The following TUBA1A variants were observed in gnomAD, a reference collection of about 807,000 sequenced individuals.
TUBA1A encodes tubulin alpha-1A chain.
In TUBA1A, 7 loss-of-function variants were observed where a neutral mutation model predicts 34.6. The observed-to-expected ratio is 0.20, with a 90% confidence interval of 0.11 to 0.38. The LOEUF is 0.38. Ranked by LOEUF, TUBA1A falls within the 10% of genes least tolerant of loss-of-function variation. The pLI, the probability that TUBA1A is intolerant of heterozygous loss-of-function variation, is 1.00. For synonymous variants in TUBA1A, 193 were observed against 210.2 expected, an observed-to-expected ratio of 0.92 and a Z score of 0.71; for missense variants, 19 against 581.3, an observed-to-expected ratio of 0.03 and a Z score of 9.95.
Position 49,188,399 on chromosome 12 carries a change from G to A in TUBA1A, c.3+578C>T, listed in dbSNP as rs1445772209. 1.3e-6 allele frequency: 2 copies of A among 1,535,426 alleles called. No individual in the cohort carries two copies. Among genetic ancestry groups the A allele is most frequent in the Non-Finnish European group, 1.7e-6 (2 of 1,146,534 alleles). On this transcript the variant is annotated intron_variant, in intron 1 of 3. Transcript: ENST00000301071. The surrounding 1 kb of genome is among the most constrained non-coding windows in gnomAD (Gnocchi z 4.9). ...GCCGCCCTGACACCCGCTGCCGGGG[G>A]CTCCGGCAGAAACTCACCATGTTTT...
Position 49,187,409 on chromosome 12 carries a change from T to C in TUBA1A, c.4-576A>G, listed in dbSNP as rs575826308. On this transcript the variant is annotated intron_variant, in intron 1 of 3. Coordinates refer to ENST00000301071, the MANE Select transcript of TUBA1A (RefSeq NM_006009.4). The stretch of plus-strand genomic sequence containing the variant: ...CTAGCCTGTACTGTCTGCTACATTA[T>C]TTAACAGAGCAAGCTCTATTTCCAG... 1.1e-5 allele frequency: 11 copies of C among 991,352 alleles called. No individual in the cohort carries two copies. The South Asian group carries it at 5.0e-4, about 45-fold the overall frequency. The allele number at this position is 991,352 out of a possible 1,614,324, so 61.4% of individuals were successfully genotyped here.
Position 49,188,304 on chromosome 12 carries a change from T to A in TUBA1A, c.3+673A>T. 1 of 1,490,046 alleles carries A rather than the reference T, an allele frequency of 6.7e-7. No homozygotes were observed. The highest frequency in any genetic ancestry group is 8.9e-7 in the Non-Finnish European group (1 of 1,119,678). 92.3% of individuals were successfully genotyped at this position (1,490,046 alleles called of 1,614,324 possible). On this transcript the variant is annotated intron_variant, in intron 1 of 3. Transcript: ENST00000301071. The surrounding 1 kb of genome is among the most constrained non-coding windows in gnomAD (Gnocchi z 4.9). ...TCAGTCAGCTCCTGACAGAAGAGGT[T>A]CAGTGAGGGCGAACCCCGCCCAGTG...
rs911097637 is a variant in TUBA1A, at chr12:49,188,602, A to G, written c.3+375T>C. 47 of 1,446,942 alleles carry G rather than the reference A, an allele frequency of 3.2e-5. No individual in the cohort carries two copies. Among genetic ancestry groups the G allele is most frequent in the Middle Eastern group, 5.0e-4 (2 of 3,968 alleles). 89.6% of individuals were successfully genotyped at this position (1,446,942 alleles called of 1,614,324 possible). Reference sequence around the variant, plus strand: ...GTCCCCAGAGAACAACGCGAGACAGAAAGTGGCCCCTCAGCATCAGCGAAA... The same window carrying G: ...GTCCCCAGAGAACAACGCGAGACAGGAAGTGGCCCCTCAGCATCAGCGAAA... On this transcript the variant is annotated intron_variant, in intron 1 of 3. Transcript: ENST00000301071. This position sits in a 1 kb window ranked among gnomAD's most constrained non-coding sequence, Gnocchi z 4.9.
At chr12:49,187,839 T>C (rs961245417) in intron 1 of TUBA1A, 35 of 976,046 alleles carry the variant, frequency 3.6e-5, no homozygotes, top group Non-Finnish European at 4.0e-5. Flanking sequence ...TTGCATCCAA[T>C]AGAGGTTTTC....
Position 49,186,544 on chromosome 12 carries a change from G to A in TUBA1A, c.226+67C>T. 6.2e-7 allele frequency: 1 copy of A among 1,610,716 alleles called. No homozygotes were observed. The highest frequency in any genetic ancestry group is 8.5e-7 in the Non-Finnish European group (1 of 1,178,206). On this transcript the variant is annotated intron_variant, in intron 2 of 3. Coordinates refer to ENST00000301071, the MANE Select transcript of TUBA1A (RefSeq NM_006009.4). The surrounding 1 kb of genome is among the most constrained non-coding windows in gnomAD (Gnocchi z 6.6). Reference sequence around the variant, plus strand: ...GGAGAGTGGGTGAGTGACCAGCGGAGCCCCCCAGGACAGACCTCCTGTCCC... The same window carrying A: ...GGAGAGTGGGTGAGTGACCAGCGGAACCCCCCAGGACAGACCTCCTGTCCC...
Position 49,188,077 on chromosome 12 carries a change from GAC to G in TUBA1A, c.3+898_3+899del, listed in dbSNP as rs35097794. 76,938 of 879,032 alleles carry G rather than the reference GAC, an allele frequency of 0.088. 1,210 individuals are homozygous for G. Among genetic ancestry groups the G allele is most frequent in the African/African-American group, 0.22 (9,483 of 43,216 alleles). The allele number at this position is 879,032 out of a possible 1,614,324, so 54.5% of individuals were successfully genotyped here. Reference sequence around the variant, plus strand: ...GTCGGTCAGGGCAGGGCGTCCCACAGACACACACACACACACACACACACACA... The same window carrying G: ...GTCGGTCAGGGCAGGGCGTCCCACAGACACACACACACACACACACACACA... On this transcript the variant is annotated intron_variant, in intron 1 of 3. Transcript: ENST00000301071. This position sits in a 1 kb window ranked among gnomAD's most constrained non-coding sequence, Gnocchi z 4.9.
At chr12:49,187,202 T>C in intron 1 of TUBA1A, 1 of 1,143,274 alleles carries the variant, frequency 8.7e-7, no homozygotes. Flanking sequence ...TTTCTTCCCT[T>C]TTAAATAAAG....
At chr12:49,187,552 G>A (rs1283030184) in intron 1 of TUBA1A, 2 of 985,172 alleles carry the variant, frequency 2.0e-6, no homozygotes, top group African/African-American at 1.8e-5. Flanking sequence ...AAAAGACAAC[G>A]GGATGCGGAG....
In TUBA1A at chr12:49,189,018, G is replaced by A. The variant is rs11558074; in HGVS notation, c.-39C>T. On this transcript the variant is annotated 5_prime_UTR_variant, in exon 1 of 4. Transcript: ENST00000301071. ...CGACTGCCGAGCTGATGGCGGAGACGAAGAGGAGAGGTTGTTGCTTCTTAC... is the reference window on the plus strand; with the variant it reads ...CGACTGCCGAGCTGATGGCGGAGACAAAGAGGAGAGGTTGTTGCTTCTTAC... 2 of 1,613,798 alleles carry A rather than the reference G, an allele frequency of 1.2e-6. No individual in the cohort carries two copies. The highest frequency in any genetic ancestry group is 2.2e-5 in the East Asian group (1 of 44,884).
chr12:49,189,061 G>T lies in TUBA1A; in HGVS notation c.-82C>A, dbSNP rs1942221545. The T allele has an allele frequency of 1.3e-6, 2 of 1,584,048 alleles. No individual in the cohort carries two copies. The highest frequency in any genetic ancestry group is 1.7e-6 in the Non-Finnish European group (2 of 1,152,914). ...CTTCTTACAGCGCGACTCTTAGGCG[G>T]TCGATGTAAGAGAACCTGCGGCACA... On this transcript the variant is annotated 5_prime_UTR_variant, in exon 1 of 4. Coordinates refer to ENST00000301071, the MANE Select transcript of TUBA1A (RefSeq NM_006009.4).
At position 49,188,270 on chromosome 12, in the gene TUBA1A, GTTT is replaced by G; in HGVS notation, c.3+704_3+706del. ...TTCCGCAATGATGAAAGGTTTTTTTGTTTTTTTTTCAGTCAGCTCCTGACAGAA... is the reference window on the plus strand; with the variant it reads ...TTCCGCAATGATGAAAGGTTTTTTTGTTTTTTCAGTCAGCTCCTGACAGAA... On this transcript the variant is annotated intron_variant, in intron 1 of 3. Transcript: ENST00000301071. This position sits in a 1 kb window ranked among gnomAD's most constrained non-coding sequence, Gnocchi z 4.9. 7.3e-7 allele frequency: 1 copy of G among 1,363,812 alleles called. No homozygotes were observed. The highest frequency in any genetic ancestry group is 9.5e-7 in the Non-Finnish European group (1 of 1,051,142). 84.5% of individuals were successfully genotyped at this position (1,363,812 alleles called of 1,614,324 possible).
intron 1 of TUBA1A, chr12:49,187,037 T>G (rs1224532180): frequency 1.4e-6 from 2 of 1,450,532 alleles, no homozygotes; most frequent in East Asian, 5.0e-5. Context: ...TGATGTCGCC[T>G]TGGCCCTGTT....
In TUBA1A at chr12:49,188,521, A is replaced by G. The variant is rs1942211877; in HGVS notation, c.3+456T>C. ...GCGCTTTGTTCCCGTTCCCCCTCCC[A>G]CGTCCCCCAGCTCGCCCAACGCCCC... On this transcript the variant is annotated intron_variant, in intron 1 of 3. Coordinates refer to ENST00000301071, the MANE Select transcript of TUBA1A (RefSeq NM_006009.4). The surrounding 1 kb of genome is among the most constrained non-coding windows in gnomAD (Gnocchi z 4.9). 3 of 1,511,604 alleles carry G rather than the reference A, an allele frequency of 2.0e-6. No homozygotes were observed. The highest frequency in any genetic ancestry group is 1.8e-6 in the Non-Finnish European group (2 of 1,130,518). 93.6% of individuals were successfully genotyped at this position (1,511,604 alleles called of 1,614,324 possible).
Position 49,188,779 on chromosome 12 carries a change from C to G in TUBA1A, c.3+198G>C, listed in dbSNP as rs747689090. 11 of 1,564,490 alleles carry G rather than the reference C, an allele frequency of 7.0e-6. No homozygotes were observed. The highest frequency in any genetic ancestry group is 9.5e-6 in the Non-Finnish European group (11 of 1,163,986). On this transcript the variant is annotated intron_variant, in intron 1 of 3. Coordinates refer to ENST00000301071, the MANE Select transcript of TUBA1A (RefSeq NM_006009.4). This position sits in a 1 kb window ranked among gnomAD's most constrained non-coding sequence, Gnocchi z 4.9. The stretch of plus-strand genomic sequence containing the variant: ...CCAGCGCTCTGCTGCGCCCTGGGCG[C>G]AGTACTGGCCCGGTTCCTGCACCCG...
rs778988809 is a variant in TUBA1A at position 49,188,965 on chromosome 12, G to A, written c.3+12C>T. On this transcript the variant is annotated intron_variant, in intron 1 of 3. Coordinates refer to ENST00000301071, the MANE Select transcript of TUBA1A (RefSeq NM_006009.4). This position sits in a 1 kb window ranked among gnomAD's most constrained non-coding sequence, Gnocchi z 4.9. Reference sequence around the variant, plus strand: ...CACCCAACGGCCACAAAGAGCCGAAGCCGATTCTCACCATGGTTGCTGCTT... The same window carrying A: ...CACCCAACGGCCACAAAGAGCCGAAACCGATTCTCACCATGGTTGCTGCTT... 5.6e-6 allele frequency: 9 copies of A among 1,614,130 alleles called. No individual in the cohort carries two copies. Among genetic ancestry groups the A allele is most frequent in the Admixed American group, 5.0e-5 (3 of 60,012 alleles).
intron 1 of TUBA1A, 176 bp from the exon 2 acceptor site, chr12:49,187,009 T>C (rs1942190089): frequency 1.4e-6 from 2 of 1,481,450 alleles, no homozygotes; most frequent in Non-Finnish European, 1.8e-6. Context: ...ATGCTGCATA[T>C]GGGTGTGGTC....
Position 49,189,012 on chromosome 12 carries a change from G to A in TUBA1A, c.-33C>T, listed in dbSNP as rs762428394. On this transcript the variant is annotated 5_prime_UTR_variant, in exon 1 of 4. Coordinates refer to ENST00000301071, the MANE Select transcript of TUBA1A (RefSeq NM_006009.4). ...GCTTCGCGACTGCCGAGCTGATGGC[G>A]GAGACGAAGAGGAGAGGTTGTTGCT... is the stretch of plus-strand genomic sequence containing the variant. 1.2e-6 allele frequency: 2 copies of A among 1,614,112 alleles called. No individual in the cohort carries two copies. Among genetic ancestry groups the A allele is most frequent in the Non-Finnish European group, 1.7e-6 (2 of 1,179,950 alleles).
Position 49,186,442 on chromosome 12 carries a change from G to A in TUBA1A, c.243C>T (p.Gly81=). Residue 81 remains glycine, a synonymous_variant, in exon 3 of 4, where the codon GGC becomes GGT. Transcript: ENST00000301071. The surrounding 1 kb of genome is among the most constrained non-coding windows in gnomAD (Gnocchi z 6.6). ...EPTVIDEVRT[G]TYRQLFHPEQ... Reference sequence around the variant, plus strand: ...CAGGGTGGAAGAGCTGGCGGTAGGTGCCAGTGCGAACTTCATCTGGAGAAC... The same window carrying A: ...CAGGGTGGAAGAGCTGGCGGTAGGTACCAGTGCGAACTTCATCTGGAGAAC... 1 of 1,613,666 alleles carries A rather than the reference G, an allele frequency of 6.2e-7. No individual in the cohort carries two copies. The highest frequency in any genetic ancestry group is 8.5e-7 in the Non-Finnish European group (1 of 1,179,964).
chr12:49,187,475 T>C, intron 1 of TUBA1A: 1 of 986,370 alleles, frequency 1.0e-6, no homozygotes. Context: ...TTGCCAGTTT[T>C]CCTCCTCTGA....
Sources: allele counts gnomAD v4.1 joint callset, GRCh38; gene constraint gnomAD v4.1.1; non-coding constraint Gnocchi (gnomAD v3.1); transcripts MANE v1.5; gene names NCBI Gene and HGNC (gene_info 2026-07-23, HGNC 2026-07-21).